MACF1: variants seen among roughly 807,000 people sequenced by gnomAD.
The protein encoded by MACF1 is microtubule actin crosslinking factor 1.
A neutral mutation model predicts 854.8 loss-of-function variants in MACF1; 193 were observed. The observed-to-expected ratio is 0.23, with a 90% CI of 0.20 to 0.25. The LOEUF (loss-of-function observed/expected upper bound fraction) is 0.25. Ranked by LOEUF, MACF1 falls within the 10% of genes least tolerant of loss-of-function variation. The probability of loss-of-function intolerance (pLI) is 1.00; values close to 1 mark genes in which losing one functional copy is unlikely to be tolerated. For missense variants in MACF1, 7,722 were observed against 8,929.1 expected, an observed-to-expected ratio of 0.86 and a Z score of 5.45; for synonymous variants, 3,185 against 3,226.7, an observed-to-expected ratio of 0.99 and a Z score of 0.44.
chr1:39,250,589 A>G lies in MACF1; in HGVS notation c.261+486A>G, dbSNP rs1270689516. Among the ~76,000 whole-genome samples, 5 of 152,104 alleles carry G rather than the reference A, an allele frequency of 3.3e-5. No homozygotes were observed. In the East Asian group the frequency reaches 9.6e-4, roughly 29 times the overall value. ...GTGTATGAAGTTATTTTTTTTTCCA[A>G]ATCATCTCACTTTCTCCCTTCTGTG... On this transcript the variant is annotated intron_variant, in intron 3 of 100. Transcript: ENST00000564288.
At chr1:39,364,872 A>G (rs1648553602) in intron 49 of MACF1, among the ~76,000 whole-genome samples, 1 of 152,132 alleles carries the variant, frequency 6.6e-6, no homozygotes, top group South Asian at 2.1e-4. Context: ...AGTTTGAAAG[A>G]TTTTTGTCAC....
intron 19 of MACF1, 42 bp from the exon 20 acceptor site, chr1:39,295,745 G>A (rs994625170): frequency 6.9e-7 from 1 of 1,446,628 alleles, no homozygotes. Flanking sequence ...TATTGAGTCT[G>A]TTAAACTCAA....
In MACF1 at chr1:39,458,403, G is replaced by C. The variant is rs765453367; in HGVS notation, c.21109G>C (p.Asp7037His). Residue 7037 changes from aspartate to histidine, a missense_variant, in exon 90 of 101, where the codon GAC (aspartate) becomes CAC (histidine). Around this residue, in one of 15 missense-constraint regions of MACF1, gnomAD observed 729 missense variants for 900.5 expected, o/e 0.81. Transcript: ENST00000564288. ...GGAGGAGATGACTCGCAAACAGCCT[G>C]ACGTGGACCGGGTCACCAAGACATA... The part of the protein sequence containing the change: ...FMEEMTRKQP[D>H]VDRVTKTYKR... 6.2e-7 allele frequency: 1 copy of C among 1,614,000 alleles called. No individual in the cohort carries two copies. The highest frequency in any genetic ancestry group is 1.1e-5 in the South Asian group (1 of 91,056).
At chr1:39,248,242 A>T (rs1291986296) in intron 2 of MACF1, among the ~76,000 whole-genome samples, 2 of 152,096 alleles carry the variant, frequency 1.3e-5, no homozygotes, top group East Asian at 3.8e-4. Flanking sequence ...TCTTCGAGGA[A>T]GTCTTTACGT....
intron 55 of MACF1, among the ~76,000 whole-genome samples, chr1:39,381,372 T>C (rs1484039958): frequency 1.4e-5 from 2 of 143,564 alleles, no homozygotes; most frequent in Non-Finnish European, 3.1e-5. Flanking sequence ...TTTTTTTTTT[T>C]TTTTTTGGGG....
intron 2 of MACF1, among the ~76,000 whole-genome samples, chr1:39,143,642 C>G (rs1056944941): frequency 2.0e-5 from 3 of 152,180 alleles, no homozygotes; most frequent in Admixed American, 6.5e-5. Context: ...GCAGGTTGCC[C>G]TTACTGTTAC....
chr1:39,477,157 T>C lies in MACF1; in HGVS notation c.21959-2641T>C, dbSNP rs576043859. 8.6e-3 allele frequency among the ~76,000 whole-genome samples: 583 copies of C among 67,732 alleles called. 10 individuals carry two copies. Among genetic ancestry groups the C allele is most frequent in the African/African-American group, 0.025 (439 of 17,820 alleles). The allele number at this position is 67,732 out of a possible 152,430, so 44.4% of individuals were successfully genotyped here. A position where few individuals can be genotyped will look rare whatever the true frequency, so the allele number is the denominator to read the frequency against. On this transcript the variant is annotated intron_variant, in intron 97 of 100. Coordinates refer to ENST00000564288, the MANE Select transcript of MACF1 (RefSeq NM_001394062.1). Reference sequence around the variant, plus strand: ...ATATACACACACACACACACACAGATGTGCAAAGGAGTAAGACACACCATT... The same window carrying C: ...ATATACACACACACACACACACAGACGTGCAAAGGAGTAAGACACACCATT...
chr1:39,315,455 T>C (rs1046636488), intron 26 of MACF1, 58 bp from the exon 27 acceptor site: 1 of 1,547,470 alleles, frequency 6.5e-7, no homozygotes, highest in East Asian at 2.3e-5. Flanking sequence ...TGTGGACTTC[T>C]TTCTACCTTT....
intron 5 of MACF1, among the ~76,000 whole-genome samples, chr1:39,256,691 G>A (rs193165550): frequency 6.6e-6 from 1 of 152,292 alleles, no homozygotes; most frequent in East Asian, 1.9e-4. Context: ...CACTGGGGCA[G>A]TAAGTCAGCC....
chr1:39,303,072 C>T lies in MACF1; in HGVS notation c.2783C>T (p.Ala928Val). 1 of 1,613,638 alleles carries T rather than the reference C, an allele frequency of 6.2e-7. No individual in the cohort carries two copies. The highest frequency in any genetic ancestry group is 8.5e-7 in the Non-Finnish European group (1 of 1,179,670). ...PPPNKDAIEM[A>V]SRVEQSYQKV... ...CCCAATAAGGATGCCATTGAGATGG[C>T]CAGCAGGTAACTTGGCTCAGCTGCC... Residue 928 changes from alanine to valine, a missense_variant, in exon 23 of 101, where the codon GCC becomes GTC. This residue lies in a region of MACF1 where 1,137 missense variants were observed against 1,263.0 expected (regional missense o/e 0.90). Coordinates refer to ENST00000564288, the MANE Select transcript of MACF1 (RefSeq NM_001394062.1).
chr1:39,304,379 T>A, intron 23 of MACF1: 2 of 956,602 alleles, frequency 2.1e-6, no homozygotes, highest in Non-Finnish European at 1.7e-6. Context: ...GCCTCCATAT[T>A]GTGGGAGAAG....
At chr1:39,463,811 T>G in intron 94 of MACF1, 125 bp downstream of exon 94, 1 of 760,224 alleles carries the variant, frequency 1.3e-6, no homozygotes, top group East Asian at 2.8e-5. Flanking sequence ...CTCTCTGACC[T>G]CATCTCTATA....
At chr1:39,412,091 G>A in intron 58 of MACF1, 1 of 1,613,988 alleles carries the variant, frequency 6.2e-7, no homozygotes, top group South Asian at 1.1e-5. Context: ...TCTGATCACA[G>A]GGTTTCTCAT....
intron 53 of MACF1, 47 bp from the exon 54 acceptor site, chr1:39,379,156 T>C: frequency 6.6e-7 from 1 of 1,522,492 alleles, no homozygotes; most frequent in Non-Finnish European, 8.8e-7. Flanking sequence ...TCAAGGAGCA[T>C]ACTCGAAGAG....
At chr1:39,371,944 G>A (rs930161901) in intron 51 of MACF1, among the ~76,000 whole-genome samples, 1 of 151,536 alleles carries the variant, frequency 6.6e-6, no homozygotes, top group Admixed American at 6.6e-5. Flanking sequence ...GCCCTGAGTC[G>A]CTGGGATTAC....
At chr1:39,317,096 C>T in intron 28 of MACF1, 118 bp from the exon 29 acceptor site, 1 of 1,029,210 alleles carries the variant, frequency 9.7e-7, no homozygotes, top group Non-Finnish European at 1.4e-6. Context: ...CATTCCAGGG[C>T]ACAATCACAT....
intron 2 of MACF1, among the ~76,000 whole-genome samples, chr1:39,193,422 G>A (rs1344341260): frequency 6.6e-6 from 1 of 152,158 alleles, no homozygotes; most frequent in African/African-American, 2.4e-5. Flanking sequence ...TAGTCATTGA[G>A]CTGTTCAATA....
chr1:39,455,123 CTGG>C (rs1303566728), intron 89 of MACF1, 26 bp downstream of exon 89: 1 of 1,606,916 alleles, frequency 6.2e-7, no homozygotes, highest in South Asian at 1.1e-5. Context: ...TGTGTGATCA[CTGG>C]TGTTTTCCGT....
At chr1:39,240,211 T>C (rs373268455) in intron 2 of MACF1, among the ~76,000 whole-genome samples, 23 of 152,370 alleles carry the variant, frequency 1.5e-4, no homozygotes, top group African/African-American at 5.3e-4. Context: ...TGCGTATTCA[T>C]GTCTATGGGA....
Sources: allele counts gnomAD v4.1 joint callset (sites outside exome capture counted in the v4.1 genomes callset), GRCh38; gene constraint gnomAD v4.1.1; regional missense constraint gnomAD v4.1.1; transcripts MANE v1.5; gene names NCBI Gene and HGNC (gene_info 2026-07-23, HGNC 2026-07-21).